CCDC43: variants seen among roughly 807,000 people sequenced by gnomAD.
CCDC43 encodes coiled-coil domain containing 43.
Under a neutral mutation model 33.3 loss-of-function variants are expected in CCDC43, and 20 were observed. The observed-to-expected ratio is 0.60, with a 90% CI of 0.42 to 0.87. CCDC43 has a LOEUF of 0.87. Ranked by LOEUF, CCDC43 falls within the 40% of genes least tolerant of loss-of-function variation. CCDC43 has a pLI of 0.00. For synonymous variants in CCDC43, 104 were observed against 106.5 expected (o/e 0.98, Z 0.14); for missense variants, 248 against 269.9 (o/e 0.92, Z 0.57).
rs1598732399 is a variant in CCDC43 at position 44,677,749 on chromosome 17, A to T, written c.*1107T>A. On this transcript the variant is annotated 3_prime_UTR_variant, in exon 5 of 5. Coordinates refer to ENST00000315286, the MANE Select transcript of CCDC43 (RefSeq NM_144609.3). The stretch of plus-strand genomic sequence containing the variant: ...TTTAGTTTGCACCATACAAAAACAG[A>T]CTGGGCCAAATTCGGCCCGTGGGCA... 3.3e-5 allele frequency: 5 copies of T among 152,368 alleles called. No individual in the cohort carries two copies. In the South Asian group the frequency reaches 1.0e-3, roughly 32 times the overall value. 9.4% of individuals were successfully genotyped at this position (152,368 alleles called of 1,614,324 possible). A position where few individuals can be genotyped will look rare whatever the true frequency, so the allele number is the denominator to read the frequency against.
In CCDC43 at chr17:44,680,630, T is replaced by C. The variant is rs2144688019; in HGVS notation, c.442A>G (p.Lys148Glu). 2 of 1,608,580 alleles carry C rather than the reference T, an allele frequency of 1.2e-6. No homozygotes were observed. The highest frequency in any genetic ancestry group is 3.3e-5 in the Admixed American group (2 of 59,972). Residue 148 changes from lysine to glutamate, a missense_variant, in exon 4 of 5, where the codon AAG becomes GAG. Coordinates refer to ENST00000315286, the MANE Select transcript of CCDC43 (RefSeq NM_144609.3). ...ATTGTGGTAGCACCTGAATCATCCTTCTCATCTGCTTCAGTAAGTGATGTT... is the reference window on the plus strand; with the variant it reads ...ATTGTGGTAGCACCTGAATCATCCTCCTCATCTGCTTCAGTAAGTGATGTT... ...VTDEEDEADE[K>E]DDSGATTMNI...
At chr17:44,685,204 C>A (rs1972216714) in intron 1 of CCDC43, among the ~76,000 whole-genome samples, 2 of 152,204 alleles carry the variant, frequency 1.3e-5, no homozygotes, top group Non-Finnish European at 2.9e-5. Flanking sequence ...TCCACCTCCC[C>A]CAATTCTTTT....
chr17:44,682,258 T>C (rs2144690202), intron 2 of CCDC43, 120 bp from the exon 3 acceptor site: 1 of 1,232,088 alleles, frequency 8.1e-7, no homozygotes, highest in Non-Finnish European at 1.2e-6. Context: ...CCTTAGAGCC[T>C]GGCAGTTCAA....
chr17:44,688,173 G>C (rs1223029584), intron 1 of CCDC43: 3 of 151,474 alleles, frequency 2.0e-5, no homozygotes, highest in Non-Finnish European at 4.4e-5. Flanking sequence ...TTTTCTTTGA[G>C]ACAGGGTCAC....
intron 2 of CCDC43, among the ~76,000 whole-genome samples, chr17:44,682,903 A>C (rs905463667): frequency 2.0e-5 from 3 of 152,110 alleles, no homozygotes; most frequent in Admixed American, 6.5e-5. Context: ...TCAACTAGTA[A>C]GTTCTCCAGT....
intron 2 of CCDC43, 63 bp downstream of exon 2, chr17:44,683,809 A>G (rs1972195851): frequency 4.5e-6 from 5 of 1,109,462 alleles, no homozygotes; most frequent in Non-Finnish European, 2.8e-6. Context: ...TCTTCCTAAC[A>G]GCTATACAGT....
intron 1 of CCDC43, among the ~76,000 whole-genome samples, chr17:44,686,629 T>G (rs1349803091): frequency 2.0e-5 from 3 of 152,332 alleles, no homozygotes; most frequent in Non-Finnish European, 4.4e-5. Context: ...AGAAGGTGCC[T>G]GCTATGTTCA....
At chr17:44,686,399 C>G (rs1972237764) in intron 1 of CCDC43, among the ~76,000 whole-genome samples, 1 of 152,144 alleles carries the variant, frequency 6.6e-6, no homozygotes, top group Non-Finnish European at 1.5e-5. Context: ...CCCCCAACCC[C>G]CACCAGCAAG....
chr17:44,679,334 T>A (rs892854844), intron 4 of CCDC43, among the ~76,000 whole-genome samples: 1 of 152,122 alleles, frequency 6.6e-6, no homozygotes, highest in Non-Finnish European at 1.5e-5. Flanking sequence ...AACAAAATAT[T>A]TCATCAAAAT....
Position 44,689,557 on chromosome 17 carries a change from G to A in CCDC43, c.197C>T (p.Ala66Val). Residue 66 changes from alanine (A) to valine (V), a missense_variant, in exon 1 of 5, where the codon GCT (alanine) becomes GTT (valine). By Grantham distance (64) the Ala-to-Val change is moderately conservative. Transcript: ENST00000315286. ...KLDALQGILSAFLEEDSLLNI... is the reference protein window; with the variant it reads ...KLDALQGILSVFLEEDSLLNI... ...TGTGTCCAGGCTACTCACCAGGAAA[G>A]CAGAGAGGATCCCCTGCAGAGCGTC... The A allele has an allele frequency of 6.2e-7, 1 of 1,613,990 alleles. No homozygotes were observed. Among genetic ancestry groups the A allele is most frequent in the Non-Finnish European group, 8.5e-7 (1 of 1,179,884 alleles).
intron 3 of CCDC43, among the ~76,000 whole-genome samples, chr17:44,681,035 G>A (rs144555834): frequency 6.6e-6 from 1 of 152,252 alleles, no homozygotes; most frequent in East Asian, 1.9e-4. Flanking sequence ...GTTTTAACAA[G>A]TCCTCCAGGA....
At chr17:44,689,090 G>A (rs1972283616) in intron 1 of CCDC43, 1 of 168,430 alleles carries the variant, frequency 5.9e-6, no homozygotes, top group Admixed American at 5.6e-5. Flanking sequence ...ATCCATATAA[G>A]AATCAAAAGG....
chr17:44,682,391 T>TAAAAAAA (rs67280453), intron 2 of CCDC43, among the ~76,000 whole-genome samples: 3 of 101,000 alleles, frequency 3.0e-5, no homozygotes, highest in Admixed American at 1.1e-4. Context: ...TCTGCTGCCT[T>TAAAAAAA]AAAAAAAAAA....
rs1568140527 is a variant in CCDC43, at chr17:44,683,921, C to T, written c.243G>A (p.Val81=). 1.2e-6 allele frequency: 2 copies of T among 1,613,302 alleles called. No individual in the cohort carries two copies. The highest frequency in any genetic ancestry group is 8.5e-7 in the Non-Finnish European group (1 of 1,179,394). ...CATTCTGAGTTTCTGACCATCGTTC[C>T]ACAATCTCCTTGCAGATATTAAGGA... The part of the protein sequence containing the change: ...DSLLNICKEI[V]ERWSETQNVV... Residue 81 remains valine (V), a synonymous_variant, in exon 2 of 5, where the codon GTG becomes GTA. Transcript: ENST00000315286.
In CCDC43 at chr17:44,678,872, CCT is replaced by C. The variant is rs762715587; in HGVS notation, c.657_658del (p.Glu221AlafsTer55). ...AGGCCAAGGTTATCGCTTTCGCTCC[CCT>C]CTCTGTGTCCTTTTTTTTTCCTTTT... On this transcript the variant is annotated frameshift_variant, in exon 5 of 5. Transcript: ENST00000315286. LOFTEE classifies it high-confidence loss of function. 3 of 1,613,464 alleles carry C rather than the reference CCT, an allele frequency of 1.9e-6. No individual in the cohort carries two copies. Among genetic ancestry groups the C allele is most frequent in the South Asian group, 1.1e-5 (1 of 91,024 alleles).
At chr17:44,683,107 G>T (rs1972185730) in intron 2 of CCDC43, among the ~76,000 whole-genome samples, 1 of 152,120 alleles carries the variant, frequency 6.6e-6, no homozygotes, top group African/African-American at 2.4e-5. Context: ...TGGCTTTTAT[G>T]ATTTGAGTTT....
At position 44,679,056 on chromosome 17, in the gene CCDC43, T is replaced by G. The variant is rs770430396; in HGVS notation, c.488-13A>C. 2 of 1,610,364 alleles carry G rather than the reference T, an allele frequency of 1.2e-6. No individual in the cohort carries two copies. The highest frequency in any genetic ancestry group is 1.7e-6 in the Non-Finnish European group (2 of 1,177,898). On this transcript the variant is annotated splice_polypyrimidine_tract_variant and intron_variant, in intron 4 of 4. Transcript: ENST00000315286. ...TTTCGGAACAGAACTACAGGTGAGT[T>G]AAGGGATTAGGGTACAGGTCACACA...
chr17:44,678,754 G>C lies in CCDC43; in HGVS notation c.*102C>G. On this transcript the variant is annotated 3_prime_UTR_variant, in exon 5 of 5. Coordinates refer to ENST00000315286, the MANE Select transcript of CCDC43 (RefSeq NM_144609.3). The stretch of plus-strand genomic sequence containing the variant: ...TGACCATGTAAACAATAGGGGAAAT[G>C]CCTTGGGAAACTACTTTGCAATGCA... 8.6e-7 allele frequency: 1 copy of C among 1,166,200 alleles called. No homozygotes were observed. Among genetic ancestry groups the C allele is most frequent in the Admixed American group, 2.8e-5 (1 of 35,626 alleles). The allele number at this position is 1,166,200 out of a possible 1,614,324, so 72.2% of individuals were successfully genotyped here.
At position 44,678,735 on chromosome 17, in the gene CCDC43, T is replaced by C. The variant is rs996526304; in HGVS notation, c.*121A>G. On this transcript the variant is annotated 3_prime_UTR_variant, in exon 5 of 5. Coordinates refer to ENST00000315286, the MANE Select transcript of CCDC43 (RefSeq NM_144609.3). ...GTGATTTTGATTTTCCTTTTGACCA[T>C]GTAAACAATAGGGGAAATGCCTTGG... 9.9e-7 allele frequency: 1 copy of C among 1,015,182 alleles called. No individual in the cohort carries two copies. The highest frequency in any genetic ancestry group is 1.6e-5 in the African/African-American group (1 of 61,316). The allele number at this position is 1,015,182 out of a possible 1,614,324, so 62.9% of individuals were successfully genotyped here. A position where few individuals can be genotyped will look rare whatever the true frequency, so the allele number is the denominator to read the frequency against.
Sources: allele counts gnomAD v4.1 joint callset (sites outside exome capture counted in the v4.1 genomes callset), GRCh38; gene constraint gnomAD v4.1.1; transcripts MANE v1.5; gene names NCBI Gene and HGNC (gene_info 2026-07-23, HGNC 2026-07-21).